The following PCDH15 variants were observed in gnomAD, a reference collection of about 807,000 sequenced individuals.
PCDH15 encodes protocadherin related 15, also known as protocadherin-15.
Under a neutral mutation model 178.5 loss-of-function variants are expected in PCDH15, and 129 were observed. The observed-to-expected ratio is 0.72, with a 90% CI of 0.63 to 0.84. The LOEUF (loss-of-function observed/expected upper bound fraction) is 0.84. Among genes scored for constraint, PCDH15 ranks in the 40% least tolerant of loss-of-function variants. The pLI is 0.00. For synonymous variants in PCDH15, 800 were observed against 732.0 expected, an observed-to-expected ratio of 1.09 and a Z score of -1.50; for missense variants, 2,230 against 2,099.9, an observed-to-expected ratio of 1.06 and a Z score of -1.21.
rs12359240 is a variant in PCDH15, at chr10:53,809,469, G to A, written c.4671+1087C>T. 5.4e-3 allele frequency: 8,793 copies of A among 1,613,842 alleles called. 42 individuals are homozygous for A. The highest frequency in any genetic ancestry group is 0.024 in the Middle Eastern group (144 of 6,062). On this transcript the variant is annotated intron_variant, in intron 37 of 37. Coordinates refer to ENST00000644397, the MANE Select transcript of PCDH15 (RefSeq NM_001384140.1). ...TAGGCTCAGCTGCTGGTGGTTTTTC[G>A]ATAGTTACAACTACTTCTTCCTCCT...
At chr10:55,230,301 C>A (rs1476342086) in intron 1 of PCDH15, among the ~76,000 whole-genome samples, 1 of 151,958 alleles carries the variant, frequency 6.6e-6, no homozygotes, top group Non-Finnish European at 1.5e-5. Flanking sequence ...TAACATTTAG[C>A]ATCTATATAC....
chr10:54,748,931 T>A (rs76428407), intron 1 of PCDH15, among the ~76,000 whole-genome samples: 2,787 of 152,202 alleles, frequency 0.018, 82 homozygotes, highest in African/African-American at 0.062. Flanking sequence ...GCTTTCTAAC[T>A]CTCTTTCTTT....
intron 8 of PCDH15, among the ~76,000 whole-genome samples, chr10:54,252,676 A>G (rs1435717619): frequency 1.3e-5 from 2 of 152,126 alleles, no homozygotes; most frequent in Non-Finnish European, 2.9e-5. Flanking sequence ...CTAAATATCA[A>G]CGTTGTAAGT....
intron 2 of PCDH15, among the ~76,000 whole-genome samples, chr10:55,076,464 T>G (rs1276744017): frequency 6.6e-6 from 1 of 151,898 alleles, no homozygotes; most frequent in Non-Finnish European, 1.5e-5. Flanking sequence ...TGACTCTTTT[T>G]TTTTGGAGAC....
chr10:54,068,242 CACTT>C (rs1415139210), intron 17 of PCDH15, among the ~76,000 whole-genome samples: 4 of 152,100 alleles, frequency 2.6e-5, no homozygotes, highest in Middle Eastern at 3.2e-3. Context: ...GTTCAGTAGT[CACTT>C]AATAATTACC....
intron 5 of PCDH15, among the ~76,000 whole-genome samples, chr10:54,346,945 G>C (rs186061989): frequency 1.3e-5 from 2 of 152,286 alleles, no homozygotes; most frequent in Admixed American, 1.3e-4. Flanking sequence ...AGAGAAATTG[G>C]AGACAATGAA....
chr10:53,870,036 G>C (rs1263471270), intron 26 of PCDH15, among the ~76,000 whole-genome samples: 1 of 152,166 alleles, frequency 6.6e-6, no homozygotes, highest in African/African-American at 2.4e-5. Flanking sequence ...ATTTGGAAAA[G>C]AAAAGGTGGT....
At chr10:55,383,570 T>C (rs1046001218) in intron 2 of PCDH15, among the ~76,000 whole-genome samples, 18 of 152,312 alleles carry the variant, frequency 1.2e-4, no homozygotes, top group African/African-American at 4.3e-4. Context: ...ACAGTTTCTA[T>C]GGCAGTGATT....
intron 2 of PCDH15, among the ~76,000 whole-genome samples, chr10:55,099,684 T>C (rs995120504): frequency 6.6e-6 from 1 of 152,042 alleles, no homozygotes; most frequent in South Asian, 2.1e-4. Flanking sequence ...AAGAGTTGTT[T>C]GATTATTGTG....
chr10:54,370,024 TA>T (rs1022299148), intron 4 of PCDH15, among the ~76,000 whole-genome samples: 3 of 152,138 alleles, frequency 2.0e-5, no homozygotes, highest in Admixed American at 1.3e-4. Context: ...TTTGTCATTA[TA>T]AAAAATACTT....
At chr10:54,780,484 A>AT (rs924047007) in intron 1 of PCDH15, among the ~76,000 whole-genome samples, 11 of 152,082 alleles carry the variant, frequency 7.2e-5, no homozygotes, top group Admixed American at 7.2e-4. Context: ...TGAGGATGGG[A>AT]TTTTTTAATG....
At chr10:53,821,155 A>G (rs2076248629) in intron 32 of PCDH15, 2 of 973,950 alleles carry the variant, frequency 2.1e-6, no homozygotes, top group African/African-American at 3.5e-5. Context: ...CACAATGAGA[A>G]ATAAAGAGAA....
chr10:55,410,897 G>A (rs903202848), intron 2 of PCDH15, among the ~76,000 whole-genome samples: 9 of 151,942 alleles, frequency 5.9e-5, no homozygotes, highest in African/African-American at 1.9e-4. Context: ...ATTGCTGCTG[G>A]TCTCACAGGC....
intron 1 of PCDH15, among the ~76,000 whole-genome samples, chr10:55,182,527 T>C (rs1839678924): frequency 6.6e-6 from 1 of 152,012 alleles, no homozygotes; most frequent in Non-Finnish European, 1.5e-5. Flanking sequence ...CTATCAGTCC[T>C]TACTTTCCTC....
intron 8 of PCDH15, among the ~76,000 whole-genome samples, chr10:54,300,026 G>A (rs2060051426): frequency 6.6e-6 from 1 of 152,148 alleles, no homozygotes; most frequent in South Asian, 2.1e-4. Flanking sequence ...CAGTTTGCAA[G>A]AAATAACGAA....
upstream of PCDH15, among the ~76,000 whole-genome samples, chr10:54,803,811 T>C (rs775720626): frequency 6.6e-6 from 1 of 152,194 alleles, no homozygotes; most frequent in African/African-American, 2.4e-5. Flanking sequence ...ATTTTGAACA[T>C]TGAAAACATT....
intron 1 of PCDH15, among the ~76,000 whole-genome samples, chr10:54,773,276 A>G (rs982959202): frequency 5.3e-5 from 8 of 151,718 alleles, no homozygotes; most frequent in African/African-American, 1.9e-4. Flanking sequence ...TTTTTTTCTT[A>G]GAGGGAGAAA....
chr10:54,350,517 C>T (rs1343515362), intron 5 of PCDH15, among the ~76,000 whole-genome samples: 1 of 152,048 alleles, frequency 6.6e-6, no homozygotes, highest in African/African-American at 2.4e-5. Context: ...GACCTGTTCA[C>T]ATATGAGATA....
intron 2 of PCDH15, among the ~76,000 whole-genome samples, chr10:55,622,618 T>C (rs961843655): frequency 2.0e-5 from 3 of 152,144 alleles, no homozygotes; most frequent in African/African-American, 7.2e-5. Context: ...GAATGGCTGA[T>C]CAACCATAAG....
Sources: gnomAD v4.1 joint callset for allele counts (sites outside exome capture counted in the v4.1 genomes callset) on GRCh38, gnomAD v4.1.1 for gene constraint, MANE v1.5 for transcripts, NCBI Gene and HGNC (gene_info 2026-07-23, HGNC 2026-07-21) for gene names.